Variants in AOAH observed in about 807,000 individuals in gnomAD.
AOAH encodes the protein acyloxyacyl hydrolase, also known as acyloxyacyl hydrolase (neutrophil).
In AOAH, 64 loss-of-function variants were observed where a neutral mutation model predicts 92.2. The ratio of observed to expected loss-of-function variants is 0.69; its 90% CI spans 0.57 to 0.86. The LOEUF is 0.86. AOAH is among the 40% of genes least tolerant of loss of function. The pLI, the probability that AOAH is intolerant of heterozygous loss-of-function variation, is 0.00. For synonymous variants in AOAH, 263 were observed against 254.5 expected (o/e 1.03, Z -0.32); for missense variants, 656 against 694.6 (o/e 0.94, Z 0.62).
intron 12 of AOAH, among the ~76,000 whole-genome samples, chr7:36,589,349 T>C (rs1789579553): frequency 6.6e-6 from 1 of 152,172 alleles, no homozygotes; most frequent in South Asian, 2.1e-4. Flanking sequence ...ACACAGGGCT[T>C]ACTGTGCATG....
At position 36,615,207 on chromosome 7, in the gene AOAH, C is replaced by A. The variant is rs934238167; in HGVS notation, c.846+1173G>T. 3.3e-5 allele frequency among the ~76,000 whole-genome samples: 5 copies of A among 152,172 alleles called. No homozygotes were observed. The South Asian group carries it at 6.2e-4, about 19-fold the overall frequency. ...ATTCCATCTGCATAGGAGTTCAGTGCTGTTACAGTGGCATGTAAAACTGGC... is the reference window on the plus strand; with the variant it reads ...ATTCCATCTGCATAGGAGTTCAGTGATGTTACAGTGGCATGTAAAACTGGC... On this transcript the variant is annotated intron_variant, in intron 11 of 20. Transcript: ENST00000617537.
intron 6 of AOAH, among the ~76,000 whole-genome samples, chr7:36,625,098 G>A (rs1014604248): frequency 1.3e-5 from 2 of 152,074 alleles, no homozygotes; most frequent in African/African-American, 4.8e-5. Context: ...CCACTTAGTG[G>A]ACCTAATGAA....
chr7:36,538,689 G>C (rs992902695), intron 16 of AOAH, among the ~76,000 whole-genome samples: 10 of 152,186 alleles, frequency 6.6e-5, no homozygotes, highest in Non-Finnish European at 1.5e-4. Context: ...GTGGTTCAAA[G>C]AGACATTCTT....
intron 1 of AOAH, among the ~76,000 whole-genome samples, chr7:36,689,191 C>G (rs917256459): frequency 2.6e-5 from 4 of 152,166 alleles, no homozygotes; most frequent in Admixed American, 2.6e-4. Context: ...ACTCCTTATT[C>G]TGGCATGAAA....
intron 6 of AOAH, among the ~76,000 whole-genome samples, chr7:36,629,273 G>A (rs1792895946): frequency 6.6e-6 from 1 of 152,112 alleles, no homozygotes; most frequent in African/African-American, 2.4e-5. Context: ...CTTTCAAATT[G>A]GACCAAGAAA....
rs1280321251 is a variant in AOAH, at chr7:36,516,149, TCA to T, written c.1600-2771_1600-2770del. Among the ~76,000 whole-genome samples, 7 of 123,190 alleles carry T rather than the reference TCA, an allele frequency of 5.7e-5. No individual in the cohort carries two copies. The highest frequency in any genetic ancestry group is 2.4e-4 in the Admixed American group (3 of 12,506). 80.8% of individuals were successfully genotyped at this position (123,190 alleles called of 152,430 possible). On this transcript the variant is annotated intron_variant, in intron 20 of 20. Coordinates refer to ENST00000617537, the MANE Select transcript of AOAH (RefSeq NM_001637.4). The surrounding 1 kb of genome is among the most constrained non-coding windows in gnomAD (Gnocchi z 5.0). Reference sequence around the variant, plus strand: ...CACACACAGATACACCACACACATCTCACACACACACACCACACACCCCATAC... The same window carrying T: ...CACACACAGATACACCACACACATCTCACACACACACCACACACCCCATAC...
In AOAH at chr7:36,589,689, C is replaced by G. The variant is rs151002431; in HGVS notation, c.938+4650G>C. On this transcript the variant is annotated intron_variant, in intron 12 of 20. Coordinates refer to ENST00000617537, the MANE Select transcript of AOAH (RefSeq NM_001637.4). The stretch of plus-strand genomic sequence containing the variant: ...GCTAAATGTTCCACCTGGAATAACA[C>G]AGAATGAGCACCCTTATAACTGAAA... Among the ~76,000 whole-genome samples, 1,110 of 152,272 alleles carry G rather than the reference C, an allele frequency of 7.3e-3. 8 individuals are homozygous for G. Among genetic ancestry groups the G allele is most frequent in the Middle Eastern group, 0.027 (8 of 294 alleles).
chr7:36,592,304 G>A (rs1268492061), intron 12 of AOAH, among the ~76,000 whole-genome samples: 1 of 152,176 alleles, frequency 6.6e-6, no homozygotes, highest in African/African-American at 2.4e-5. Flanking sequence ...ATCTCTGGAT[G>A]TGTTCCAGGT....
intron 12 of AOAH, among the ~76,000 whole-genome samples, chr7:36,588,051 C>T (rs1057085749): frequency 6.6e-6 from 1 of 152,156 alleles, no homozygotes; most frequent in Non-Finnish European, 1.5e-5. Flanking sequence ...ATGCTTTATG[C>T]ATATTTCACA....
chr7:36,620,762 G>A lies in AOAH; in HGVS notation c.702+19C>T, dbSNP rs1792222081. The A allele has an allele frequency of 6.2e-7, 1 of 1,612,646 alleles. No homozygotes were observed. Among genetic ancestry groups the A allele is most frequent in the South Asian group, 1.1e-5 (1 of 90,862 alleles). ...AGGAACAAAGGAGAATGGGGTTCAA[G>A]CTGAATTTAGTTGCTTACCCAAATG... On this transcript the variant is annotated intron_variant, in intron 9 of 20. Transcript: ENST00000617537.
intron 1 of AOAH, among the ~76,000 whole-genome samples, chr7:36,714,973 G>A (rs954165916): frequency 2.0e-5 from 3 of 152,082 alleles, no homozygotes; most frequent in Non-Finnish European, 2.9e-5. Flanking sequence ...GGAAGTTCTG[G>A]CCAGCGCAAT....
At chr7:36,530,777 G>C in intron 18 of AOAH, 1 of 336,100 alleles carries the variant, frequency 3.0e-6, no homozygotes, top group Middle Eastern at 8.5e-4. Flanking sequence ...ACTGGCAAAG[G>C]TAAGATAACC....
At chr7:36,709,363 A>G (rs1220085320) in intron 1 of AOAH, among the ~76,000 whole-genome samples, 2 of 152,206 alleles carry the variant, frequency 1.3e-5, no homozygotes, top group Non-Finnish European at 2.9e-5. Flanking sequence ...AGGGCAGTGT[A>G]GACAGAGCAG....
chr7:36,553,080 T>C (rs1786400803), intron 13 of AOAH, among the ~76,000 whole-genome samples: 1 of 151,256 alleles, frequency 6.6e-6, no homozygotes, highest in African/African-American at 2.4e-5. Flanking sequence ...TAACTCGTTA[T>C]CTAGCATTAG....
At chr7:36,552,413 A>T (rs1193210855) in intron 13 of AOAH, among the ~76,000 whole-genome samples, 1 of 152,114 alleles carries the variant, frequency 6.6e-6, no homozygotes, top group Non-Finnish European at 1.5e-5. Context: ...ATCAATGGGT[A>T]TTTGGGTTGA....
chr7:36,690,996 C>T (rs1273301584), intron 1 of AOAH, among the ~76,000 whole-genome samples: 1 of 152,148 alleles, frequency 6.6e-6, no homozygotes, highest in Non-Finnish European at 1.5e-5. Context: ...TATTAGATTT[C>T]CCATTTGTCT....
rs564917662 is a variant in AOAH at position 36,650,556 on chromosome 7, C to T, written c.390+8610G>A. Among the ~76,000 whole-genome samples, 12 of 152,258 alleles carry T rather than the reference C, an allele frequency of 7.9e-5. 1 individual carries two copies. In the South Asian group the frequency reaches 2.3e-3, roughly 29 times the overall value. The stretch of plus-strand genomic sequence containing the variant: ...CTCACCCTTCAGTGCTCGTCAAAAG[C>T]GTTATGCAAATGCAGATGCTCAAAC... On this transcript the variant is annotated intron_variant, in intron 4 of 20. Coordinates refer to ENST00000617537, the MANE Select transcript of AOAH (RefSeq NM_001637.4).
At chr7:36,588,369 G>T (rs868377572) in intron 12 of AOAH, among the ~76,000 whole-genome samples, 1 of 152,202 alleles carries the variant, frequency 6.6e-6, no homozygotes, top group South Asian at 2.1e-4. Flanking sequence ...CCCCACAGGG[G>T]TTCATGGACC....
At chr7:36,552,407 A>G (rs1171146545) in intron 13 of AOAH, among the ~76,000 whole-genome samples, 1 of 152,132 alleles carries the variant, frequency 6.6e-6, no homozygotes, top group African/African-American at 2.4e-5. Context: ...TCTATCATCA[A>G]TGGGTATTTG....
Sources: allele counts gnomAD v4.1 joint callset (sites outside exome capture counted in the v4.1 genomes callset), GRCh38; gene constraint gnomAD v4.1.1; non-coding constraint Gnocchi (gnomAD v3.1); transcripts MANE v1.5; gene names NCBI Gene and HGNC (gene_info 2026-07-23, HGNC 2026-07-21).